The following GGT5 variants were observed in gnomAD, a reference collection of about 807,000 sequenced individuals.
The protein encoded by GGT5 is gamma-glutamyltransferase 5, also known as glutathione hydrolase 5 proenzyme.
A neutral mutation model predicts 58.1 loss-of-function variants in GGT5; 50 were observed. The observed-to-expected ratio is 0.86, with a 90% CI of 0.69 to 1.09. The LOEUF (loss-of-function observed/expected upper bound fraction) is 1.09. GGT5 is among the 50% of genes least tolerant of loss of function. The pLI is 0.00. For missense variants in GGT5, 800 were observed against 789.4 expected, an observed-to-expected ratio of 1.01 and a Z score of -0.16; for synonymous variants, 370 against 346.1, an observed-to-expected ratio of 1.07 and a Z score of -0.77.
At chr22:24,235,349 T>C (rs8135864) in intron 1 of GGT5, among the ~76,000 whole-genome samples, 112,484 of 152,180 alleles carry the variant, frequency 0.74, 42,572 homozygotes, top group African/African-American at 0.9. Context: ...TGAGCCACTG[T>C]GCCCGGCCAG....
chr22:24,227,069 C>G (rs1471409138), intron 6 of GGT5, among the ~76,000 whole-genome samples: 1 of 149,148 alleles, frequency 6.7e-6, no homozygotes, highest in African/African-American at 2.5e-5. Context: ...GGTCCTTAGT[C>G]TCCTGAGTAG....
rs558318043 is a variant in GGT5, at chr22:24,225,428, G to A, written c.1337-17C>T. 89 of 1,605,630 alleles carry A rather than the reference G, an allele frequency of 5.5e-5. No homozygotes were observed. In the East Asian group the frequency reaches 7.4e-4, roughly 13 times the overall value. The stretch of plus-strand genomic sequence containing the variant: ...CTCCACTCACTGCTGAGCAAACAGC[G>A]TCTTGGCAAGTGCAGTGACCCATCC... On this transcript the variant is annotated splice_polypyrimidine_tract_variant and intron_variant, in intron 9 of 11. Coordinates refer to ENST00000327365, the MANE Select transcript of GGT5 (RefSeq NM_004121.5).
rs778278708 is a variant in GGT5, at chr22:24,232,152, G to A, written c.653C>T (p.Pro218Leu). The change falls in exon 5 of 12, where the codon CCT becomes CTT. Residue 218 changes from proline to leucine, a missense_variant. Pro to Leu is a moderately conservative substitution (Grantham distance 98). Transcript: ENST00000327365. Reference protein sequence around the residue: ...PLRPQDPLPWPALATTLETVA... With the variant: ...PLRPQDPLPWLALATTLETVA... ...GGTCTCCAGGGTGGTGGCCAGTGCA[G>A]GCCATGGGAGTGGGTCCTGAGGCCT... 5 of 1,597,130 alleles carry A rather than the reference G, an allele frequency of 3.1e-6. No individual in the cohort carries two copies. In the South Asian group the frequency reaches 5.6e-5, roughly 18 times the overall value.
chr22:24,222,657 G>A (rs2047624812), intron 11 of GGT5, among the ~76,000 whole-genome samples: 1 of 152,194 alleles, frequency 6.6e-6, no homozygotes, highest in Admixed American at 6.5e-5. Context: ...CCTTAGGTTT[G>A]TGGGTCACTG....
rs757809033 is a variant in GGT5, at chr22:24,226,126, C to T, written c.1179G>A (p.Val393=). ...CCACGGCGCTGCCATCCTCCCCCAG[C>T]ACAGACACATGGGACGTGCCTGTCC... ...GHGTGTSHVS[V]LGEDGSAVAA... is the part of the protein sequence containing the mutation. The change falls in exon 8 of 12, where the codon GTG becomes GTA. Residue 393 remains valine, a synonymous_variant. Transcript: ENST00000327365. 2.5e-6 allele frequency: 4 copies of T among 1,610,352 alleles called. No homozygotes were observed. In the South Asian group the frequency reaches 4.4e-5, roughly 18 times the overall value.
chr22:24,226,592 G>A, intron 7 of GGT5, 39 bp downstream of exon 7: 1 of 1,608,582 alleles, frequency 6.2e-7, no homozygotes, highest in Non-Finnish European at 8.5e-7. Context: ...AGCCAGGGAG[G>A]AGGACGGCCC....
intron 1 of GGT5, among the ~76,000 whole-genome samples, chr22:24,240,679 C>G (rs1402203376): frequency 6.6e-6 from 1 of 152,004 alleles, no homozygotes; most frequent in Non-Finnish European, 1.5e-5. Flanking sequence ...AATTTTTGTA[C>G]TTTTTGTCTC....
intron 1 of GGT5, among the ~76,000 whole-genome samples, chr22:24,238,462 G>A (rs1055625581): frequency 6.6e-6 from 1 of 150,514 alleles, no homozygotes; most frequent in African/African-American, 2.4e-5. Context: ...TTGAACCAGG[G>A]AGGTGGAGGT....
Position 24,220,002 on chromosome 22 carries a change from G to A in GGT5, c.1729C>T (p.Leu577=). The A allele has an allele frequency of 1.9e-6, 3 of 1,614,158 alleles. No individual in the cohort carries two copies. The highest frequency in any genetic ancestry group is 2.5e-6 in the Non-Finnish European group (3 of 1,179,998). The change falls in exon 12 of 12, where the codon CTG becomes TTG. Residue 577 remains leucine, a synonymous_variant. Coordinates refer to ENST00000327365, the MANE Select transcript of GGT5 (RefSeq NM_004121.5). ...EGACVYAVSD[L]RKSGEAAGY ...CCTGCGGCCTCCCCACTCTTCCTCA[G>A]GTCCGAGACGGCGTACACACAGGCC...
At chr22:24,229,743 C>T (rs2047884079) in intron 6 of GGT5, among the ~76,000 whole-genome samples, 1 of 151,072 alleles carries the variant, frequency 6.6e-6, no homozygotes, top group East Asian at 2.0e-4. Context: ...CCCAGCTACT[C>T]AGGAGGCTGA....
intron 3 of GGT5, 48 bp from the exon 4 acceptor site, chr22:24,233,066 C>T: frequency 7.3e-7 from 1 of 1,373,834 alleles, no homozygotes; most frequent in East Asian, 2.7e-5. Context: ...CAGGCCTTCC[C>T]AGGTTTGCCA....
At chr22:24,243,856 G>C (rs1307383636) in intron 1 of GGT5, 1 of 152,284 alleles carries the variant, frequency 6.6e-6, no homozygotes, top group Non-Finnish European at 1.5e-5. Context: ...GATGTGAGGG[G>C]TGGGGCACCG....
At position 24,244,901 on chromosome 22, in the gene GGT5, C is replaced by A. The variant is rs1601446782; in HGVS notation, c.-176G>T. The A allele has an allele frequency of 8.8e-7, 1 of 1,132,370 alleles. No individual in the cohort carries two copies. Among genetic ancestry groups the A allele is most frequent in the South Asian group, 1.7e-5 (1 of 60,148 alleles). 70.1% of individuals were successfully genotyped at this position (1,132,370 alleles called of 1,614,324 possible). A position where few individuals can be genotyped will look rare whatever the true frequency, so the allele number is the denominator to read the frequency against. On this transcript the variant is annotated 5_prime_UTR_variant, in exon 1 of 12. Coordinates refer to ENST00000327365, the MANE Select transcript of GGT5 (RefSeq NM_004121.5). ...TCGACAGATAGGCCAGATAGCTAGACAAAGAGGACAGTAAGAGAAAGATGG... is the reference window on the plus strand; with the variant it reads ...TCGACAGATAGGCCAGATAGCTAGAAAAAGAGGACAGTAAGAGAAAGATGG...
chr22:24,244,982 T>C lies in GGT5; in HGVS notation c.-257A>G. ...ACAGATGGGCGGACAGACAGACAGG[T>C]CTGAACAGCGGGCTGCCAGATGGAC... On this transcript the variant is annotated 5_prime_UTR_variant, in exon 1 of 12. Transcript: ENST00000327365. The C allele has an allele frequency of 1.8e-6, 1 of 556,226 alleles. No homozygotes were observed. Among genetic ancestry groups the C allele is most frequent in the South Asian group, 2.6e-5 (1 of 38,744 alleles). 34.5% of individuals were successfully genotyped at this position (556,226 alleles called of 1,614,324 possible). A position where few individuals can be genotyped will look rare whatever the true frequency, so the allele number is the denominator to read the frequency against.
chr22:24,221,547 C>G (rs13054426), intron 11 of GGT5, among the ~76,000 whole-genome samples: 28,207 of 152,144 alleles, frequency 0.19, 2,698 homozygotes, highest in Middle Eastern at 0.23. Context: ...GAGTCCCGCT[C>G]TGTCACCCAT....
chr22:24,235,761 T>G (rs1330091056), intron 1 of GGT5, among the ~76,000 whole-genome samples: 1 of 152,208 alleles, frequency 6.6e-6, no homozygotes, highest in Non-Finnish European at 1.5e-5. Context: ...CCTAACTAAA[T>G]GGAGTGCACC....
intron 11 of GGT5, among the ~76,000 whole-genome samples, chr22:24,223,068 C>T (rs1004139114): frequency 2.8e-5 from 4 of 144,146 alleles, no homozygotes; most frequent in East Asian, 2.1e-4. Context: ...CCAGCCTGGG[C>T]AACAGAGCGA....
In GGT5 at chr22:24,225,085, G is replaced by A; in HGVS notation, c.1525C>T (p.Leu509Phe). ...VAQAIMSKLW[L>F]GFDLRAAIAA... ...ATGGCCGCTCTCAGGTCAAAGCCAA[G>A]CCACAGCTTGCTCATGATGGCCTGG... is the stretch of plus-strand genomic sequence containing the variant. The change falls in exon 11 of 12, where the codon CTT (leucine) becomes TTT (phenylalanine). Residue 509 changes from leucine (L) to phenylalanine (F), a missense_variant. Transcript: ENST00000327365. 1.2e-6 allele frequency: 2 copies of A among 1,602,316 alleles called. No homozygotes were observed. Among genetic ancestry groups the A allele is most frequent in the Non-Finnish European group, 8.5e-7 (1 of 1,174,318 alleles).
At position 24,225,581 on chromosome 22, in the gene GGT5, C is replaced by A; in HGVS notation, c.1301G>T (p.Arg434Leu). 2 of 1,613,094 alleles carry A rather than the reference C, an allele frequency of 1.2e-6. No individual in the cohort carries two copies. Among genetic ancestry groups the A allele is most frequent in the Non-Finnish European group, 1.7e-6 (2 of 1,179,112 alleles). Residue 434 changes from arginine to leucine, a missense_variant, in exon 9 of 12, where the codon CGA becomes CTA. Coordinates refer to ENST00000327365, the MANE Select transcript of GGT5 (RefSeq NM_004121.5). Reference sequence around the variant, plus strand: ...GGTGGTGCCGGAACCCCGGGGGCATCGCTCGCATAAGTCCAGGAGCTCGTT... The same window carrying A: ...GGTGGTGCCGGAACCCCGGGGGCATAGCTCGCATAAGTCCAGGAGCTCGTT... ...LNNELLDLCE[R>L]CPRGSGTTPS...
Sources: allele counts gnomAD v4.1 joint callset (sites outside exome capture counted in the v4.1 genomes callset), GRCh38; gene constraint gnomAD v4.1.1; transcripts MANE v1.5; gene names NCBI Gene and HGNC (gene_info 2026-07-23, HGNC 2026-07-21).